The following RSU1 variants were observed in gnomAD, a reference collection of about 807,000 sequenced individuals.
RSU1 encodes Ras suppressor protein 1, also known as rsu-1.
Under a neutral mutation model 31.1 loss-of-function variants are expected in RSU1, and 26 were observed. The ratio of observed to expected loss-of-function variants is 0.84; its 90% CI spans 0.61 to 1.16. The LOEUF (loss-of-function observed/expected upper bound fraction) is 1.16, where lower values mean the gene tolerates loss of function less well. Among genes scored for constraint, RSU1 ranks in the 50% most tolerant of loss-of-function variants. The pLI is 0.00. For missense variants in RSU1, 320 were observed against 339.1 expected (o/e 0.94, Z 0.44); for synonymous variants, 164 against 136.3 (o/e 1.20, Z -1.41).
intron 7 of RSU1, among the ~76,000 whole-genome samples, chr10:16,743,584 C>A (rs180836595): frequency 6.6e-6 from 1 of 152,162 alleles, no homozygotes; most frequent in African/African-American, 2.4e-5. Flanking sequence ...GAAAGTGGCA[C>A]AGTTTACAAT....
At chr10:16,732,488 G>A (rs180838989) in intron 7 of RSU1, among the ~76,000 whole-genome samples, 25 of 152,326 alleles carry the variant, frequency 1.6e-4, no homozygotes, top group Admixed American at 3.3e-4. Context: ...GAAAGGATGT[G>A]TCACCTGGGA....
intron 8 of RSU1, among the ~76,000 whole-genome samples, chr10:16,648,776 T>TTAAA (rs10533045): frequency 0.064 from 9,457 of 148,672 alleles, 585 homozygotes; most frequent in African/African-American, 0.16. Context: ...CCAAGATACT[T>TTAAA]TAAATAAATA....
Position 16,757,255 on chromosome 10 carries a change from A to T in RSU1, c.282-2266T>A, listed in dbSNP as rs1420278443. The stretch of plus-strand genomic sequence containing the variant: ...CTTAAAAGCCAATTTTTAAAAAAAA[A>T]ATTTAATAAAAGTTGACAGATACTG... On this transcript the variant is annotated intron_variant, in intron 4 of 8. Transcript: ENST00000345264. 2.0e-5 allele frequency among the ~76,000 whole-genome samples: 3 copies of T among 152,214 alleles called. No individual in the cohort carries two copies. The East Asian group carries it at 5.8e-4, about 29-fold the overall frequency.
intron 2 of RSU1, among the ~76,000 whole-genome samples, chr10:16,805,630 C>A (rs1309427145): frequency 7.2e-6 from 1 of 139,668 alleles, no homozygotes; most frequent in South Asian, 2.3e-4. Context: ...GAGCGGAGAT[C>A]ACGCCACTGC....
intron 8 of RSU1, among the ~76,000 whole-genome samples, chr10:16,645,955 T>C (rs370406621): frequency 4.5e-5 from 3 of 66,456 alleles, no homozygotes; most frequent in Non-Finnish European, 8.5e-5. Context: ...TATGTGTATA[T>C]ACATATATGT....
intron 3 of RSU1, among the ~76,000 whole-genome samples, chr10:16,781,006 A>T (rs185783212): frequency 2.5e-4 from 38 of 152,278 alleles, no homozygotes; most frequent in Admixed American, 2.3e-3. Flanking sequence ...TCAATAATCA[A>T]CAGCTCTGTG....
intron 8 of RSU1, among the ~76,000 whole-genome samples, chr10:16,627,470 T>A (rs1419362928): frequency 1.3e-5 from 2 of 152,116 alleles, no homozygotes; most frequent in African/African-American, 4.8e-5. Context: ...GTAACAATTA[T>A]TGGCCAGGCA....
chr10:16,750,168 A>G (rs11599717), intron 7 of RSU1, among the ~76,000 whole-genome samples: 372 of 152,330 alleles, frequency 2.4e-3, no homozygotes, highest in Non-Finnish European at 3.0e-3. Context: ...CTGTTACTGT[A>G]TTAGTAGTAT....
At chr10:16,702,170 C>G (rs1313862153) in intron 7 of RSU1, among the ~76,000 whole-genome samples, 1 of 152,222 alleles carries the variant, frequency 6.6e-6, no homozygotes, top group African/African-American at 2.4e-5. Context: ...GCCTAGATTT[C>G]AGAGAATGTA....
intron 8 of RSU1, among the ~76,000 whole-genome samples, chr10:16,649,534 G>T (rs776460436): frequency 6.6e-5 from 10 of 152,116 alleles, no homozygotes; most frequent in Non-Finnish European, 1.2e-4. Flanking sequence ...ACACAAAACA[G>T]AAAATGAACT....
In RSU1 at chr10:16,786,100, C is replaced by G. The variant is rs138737019; in HGVS notation, c.110-4016G>C. Among the ~76,000 whole-genome samples, 66 of 152,272 alleles carry G rather than the reference C, an allele frequency of 4.3e-4. 1 individual carries two copies. Among genetic ancestry groups the G allele is most frequent in the Admixed American group, 7.2e-4 (11 of 15,302 alleles). On this transcript the variant is annotated intron_variant, in intron 2 of 8. Coordinates refer to ENST00000345264, the MANE Select transcript of RSU1 (RefSeq NM_012425.4). ...TGCTGGATGGCACTAGTGTAAAGCA[C>G]TGGTGTAGTGGGTGGAAGCCAGGGA...
rs557338857 is a variant in RSU1, at chr10:16,775,530, T to C, written c.160+6504A>G. Among the ~76,000 whole-genome samples the C allele has an allele frequency of 3.6e-3, 542 of 151,588 alleles. 1 individual carries two copies. The highest frequency in any genetic ancestry group is 6.0e-3 in the Non-Finnish European group (410 of 67,900). On this transcript the variant is annotated intron_variant, in intron 3 of 8. Transcript: ENST00000345264. ...CAACAAAAGGAATGGGGGTGGGGGGTGGCCACAGTCTACAAGCTGAGGACA... is the reference window on the plus strand; with the variant it reads ...CAACAAAAGGAATGGGGGTGGGGGGCGGCCACAGTCTACAAGCTGAGGACA...
intron 8 of RSU1, among the ~76,000 whole-genome samples, chr10:16,594,667 C>A (rs565623957): frequency 2.2e-5 from 3 of 138,512 alleles, no homozygotes; most frequent in Non-Finnish European, 4.5e-5. Context: ...CATATATTAT[C>A]TATATCATAT....
chr10:16,654,901 T>A (rs937724582), intron 8 of RSU1, among the ~76,000 whole-genome samples: 77 of 150,544 alleles, frequency 5.1e-4, no homozygotes, highest in Admixed American at 3.7e-3. Flanking sequence ...TCTACAAAAA[T>A]TTTTTTTTGA....
At chr10:16,651,710 C>T (rs1834686960) in intron 8 of RSU1, among the ~76,000 whole-genome samples, 1 of 152,148 alleles carries the variant, frequency 6.6e-6, no homozygotes. Flanking sequence ...TAGTTTAGGT[C>T]TTGATTCAAA....
intron 8 of RSU1, among the ~76,000 whole-genome samples, chr10:16,668,710 C>T (rs1342755677): frequency 6.6e-6 from 1 of 152,050 alleles, no homozygotes; most frequent in African/African-American, 2.4e-5. Flanking sequence ...TTCTACTCCC[C>T]TTCCTCTGAT....
intron 7 of RSU1, among the ~76,000 whole-genome samples, chr10:16,695,602 T>C (rs1260001207): frequency 6.6e-6 from 1 of 152,154 alleles, no homozygotes; most frequent in African/African-American, 2.4e-5. Flanking sequence ...GACAGGAATA[T>C]TACCCAAGCC....
In RSU1 at chr10:16,610,284, T is replaced by A. The variant is rs376996485; in HGVS notation, c.732-16788A>T. ...TGGCTATGCTACTGCACAGCAGATA[T>A]AGACAAGCTGAATATGGTGGAGTTG... On this transcript the variant is annotated intron_variant, in intron 8 of 8. Coordinates refer to ENST00000345264, the MANE Select transcript of RSU1 (RefSeq NM_012425.4). Among the ~76,000 whole-genome samples, 6 of 152,312 alleles carry A rather than the reference T, an allele frequency of 3.9e-5. No individual in the cohort carries two copies. The East Asian group carries it at 7.7e-4, about 20-fold the overall frequency.
At chr10:16,694,409 GA>G (rs1215826473) in intron 8 of RSU1, among the ~76,000 whole-genome samples, 7 of 151,702 alleles carry the variant, frequency 4.6e-5, no homozygotes, top group African/African-American at 7.3e-5. Flanking sequence ...ATTCACAGAA[GA>G]AAAAAAATAT....
Sources: gnomAD v4.1 joint callset for allele counts (sites outside exome capture counted in the v4.1 genomes callset) on GRCh38, gnomAD v4.1.1 for gene constraint, MANE v1.5 for transcripts, NCBI Gene and HGNC (gene_info 2026-07-23, HGNC 2026-07-21) for gene names.